The following STAU1 variants were observed in gnomAD, a reference collection of about 807,000 sequenced individuals.
STAU1 encodes the protein double-stranded RNA-binding protein Staufen homolog 1.
STAU1 carries 13 observed loss-of-function variants against 62.9 expected under a neutral mutation model. That is an observed-to-expected ratio of 0.21 (90% CI 0.13 to 0.33). STAU1 has a LOEUF of 0.33. Among genes scored for constraint, STAU1 ranks in the 10% least tolerant of loss-of-function variants. The probability of loss-of-function intolerance (pLI) is 1.00; values close to 1 mark genes in which losing one functional copy is unlikely to be tolerated. For synonymous variants in STAU1, 269 were observed against 265.1 expected (o/e 1.01, Z -0.14); for missense variants, 571 against 712.1 (o/e 0.80, Z 2.25).
chr20:49,187,910 G>A (rs1373446891), intron 1 of STAU1, among the ~76,000 whole-genome samples: 1 of 151,550 alleles, frequency 6.6e-6, no homozygotes, highest in African/African-American at 2.4e-5. Context: ...GGGGCGCCCG[G>A]GGCCAGGCCT....
intron 5 of STAU1, among the ~76,000 whole-genome samples, chr20:49,145,462 G>A (rs1347075402): frequency 6.8e-6 from 1 of 146,942 alleles, no homozygotes; most frequent in East Asian, 2.0e-4. Context: ...ACCAAGCGTG[G>A]TGGCTCACGT....
chr20:49,152,975 G>A (rs2093281336), intron 4 of STAU1, among the ~76,000 whole-genome samples: 2 of 152,110 alleles, frequency 1.3e-5, no homozygotes, highest in Admixed American at 6.5e-5. Context: ...AAGGAGCCGG[G>A]CGTGGTGGCT....
chr20:49,195,903 AAAAAAAAAAAAAAAGAAAAAAG>A, the STAU1 span, among the ~76,000 whole-genome samples: 40 of 94,396 alleles, frequency 4.2e-4, no homozygotes, highest in Non-Finnish European at 8.4e-4. Flanking sequence ...CCTCTCAAAA[AAAAAAAAAAAAAAAGAAAAAAG>A]AAAAAAAAAA....
chr20:49,204,928 G>T, the STAU1 span, among the ~76,000 whole-genome samples: 1 of 151,698 alleles, frequency 6.6e-6, no homozygotes, highest in Non-Finnish European at 1.5e-5. Context: ...GGGATTACAG[G>T]CGTGAGCCAC....
At chr20:49,196,541 C>T in the STAU1 span, among the ~76,000 whole-genome samples, 1 of 151,656 alleles carries the variant, frequency 6.6e-6, no homozygotes, top group Non-Finnish European at 1.5e-5. Flanking sequence ...AATCCCAGCA[C>T]TTTGGGAGGC....
chr20:49,128,154 G>GA (rs71184263), intron 6 of STAU1, among the ~76,000 whole-genome samples: 56,002 of 145,250 alleles, frequency 0.39, 10,592 homozygotes, highest in Middle Eastern at 0.48. Flanking sequence ...TGTCTCAGAG[G>GA]AAAAAAAAAA....
At chr20:49,173,135 C>T (rs1313501350) in intron 2 of STAU1, among the ~76,000 whole-genome samples, 1 of 150,438 alleles carries the variant, frequency 6.6e-6, no homozygotes, top group Non-Finnish European at 1.5e-5. Context: ...TGAGCCACTG[C>T]GCCCAGCCGA....
At chr20:49,181,724 C>T (rs561285327) in intron 1 of STAU1, among the ~76,000 whole-genome samples, 4 of 122,142 alleles carry the variant, frequency 3.3e-5, no homozygotes, top group African/African-American at 1.3e-4. Flanking sequence ...CGAGATGATA[C>T]CTCTGCATTC....
chr20:49,124,380 C>A lies in STAU1; in HGVS notation c.817G>T (p.Val273Phe). The stretch of plus-strand genomic sequence containing the variant: ...GTGTTCAGAAAAGTTCTCACCTTGA[C>A]TATGGGTTTTGTTTTCTTTTTGATT... ...PRIKKKTKPI[V>F]KPQTSPEYGQ... is the part of the protein sequence containing the mutation. Residue 273 changes from valine (V) to phenylalanine (F), a missense_variant, in exon 7 of 14, where the codon GTC (valine) becomes TTC (phenylalanine). By Grantham distance (50) the Val-to-Phe change is conservative. This residue lies in a region of STAU1 where 414 missense variants were observed against 499.6 expected (regional missense o/e 0.83). Transcript: ENST00000371856. 6.2e-7 allele frequency: 1 copy of A among 1,613,846 alleles called. No individual in the cohort carries two copies. The highest frequency in any genetic ancestry group is 8.5e-7 in the Non-Finnish European group (1 of 1,179,976).
intron 3 of STAU1, among the ~76,000 whole-genome samples, chr20:49,162,052 C>T (rs1383681257): frequency 1.3e-5 from 2 of 152,190 alleles, no homozygotes; most frequent in South Asian, 2.1e-4. Context: ...AGCTGTACCC[C>T]GCCCATTATT....
chr20:49,144,920 TC>T (rs1199253592), intron 5 of STAU1, among the ~76,000 whole-genome samples: 8 of 152,104 alleles, frequency 5.3e-5, no homozygotes, highest in African/African-American at 1.9e-4. Flanking sequence ...AGCAAAACGT[TC>T]AAAACACAGG....
At chr20:49,172,192 GA>G (rs2146464614) in intron 2 of STAU1, among the ~76,000 whole-genome samples, 2 of 152,260 alleles carry the variant, frequency 1.3e-5, no homozygotes, top group African/African-American at 4.8e-5. Flanking sequence ...TCTGCTTAAA[GA>G]AACACTTCCT....
chr20:49,177,073 G>A (rs572243598), intron 1 of STAU1, among the ~76,000 whole-genome samples: 13 of 151,972 alleles, frequency 8.6e-5, no homozygotes, highest in African/African-American at 3.1e-4. Context: ...CACCATGCCC[G>A]GCTAATTTTT....
At chr20:49,199,559 ATTTTATTTTTC>A in the STAU1 span, among the ~76,000 whole-genome samples, 1 of 149,414 alleles carries the variant, frequency 6.7e-6, no homozygotes. Flanking sequence ...TTTTATTTTT[ATTTTATTTTTC>A]TTTTATTTAC....
intron 3 of STAU1, among the ~76,000 whole-genome samples, 183 bp downstream of exon 3, chr20:49,165,814 A>G (rs1178654175): frequency 1.6e-5 from 2 of 128,256 alleles, no homozygotes; most frequent in African/African-American, 2.7e-5. Flanking sequence ...CTGTCAACTG[A>G]GGCCCCTGTC....
At chr20:49,203,994 G>T in the STAU1 span, among the ~76,000 whole-genome samples, 3 of 152,148 alleles carry the variant, frequency 2.0e-5, no homozygotes, top group African/African-American at 7.2e-5. Flanking sequence ...GGGGGTAGTA[G>T]TTTTAAAAGA....
intron 3 of STAU1, 76 bp downstream of exon 3, chr20:49,165,921 A>G (rs2146390261): frequency 6.7e-7 from 1 of 1,492,000 alleles, no homozygotes; most frequent in South Asian, 1.2e-5. Context: ...GAGCTCCCTA[A>G]ATCTGCAACC....
At chr20:49,175,111 G>A (rs989933642) in intron 1 of STAU1, among the ~76,000 whole-genome samples, 4 of 151,946 alleles carry the variant, frequency 2.6e-5, no homozygotes, top group Non-Finnish European at 5.9e-5. Context: ...ACTCAGGATC[G>A]CGCCACTGCA....
chr20:49,191,022 T>G (rs529138587), upstream of STAU1, among the ~76,000 whole-genome samples: 1 of 142,592 alleles, frequency 7.0e-6, no homozygotes, highest in Non-Finnish European at 1.5e-5. Flanking sequence ...CATTTATTTT[T>G]ATTTTTAATT....
Sources: allele counts gnomAD v4.1 joint callset (sites outside exome capture counted in the v4.1 genomes callset), GRCh38; gene constraint gnomAD v4.1.1; regional missense constraint gnomAD v4.1.1; transcripts MANE v1.5; gene names NCBI Gene and HGNC (gene_info 2026-07-23, HGNC 2026-07-21).